AIG1: variants seen among roughly 807,000 people sequenced by gnomAD.
AIG1 encodes the protein androgen induced 1.
A neutral mutation model predicts 31.4 loss-of-function variants in AIG1; 23 were observed. The ratio of observed to expected loss-of-function variants is 0.73; its 90% CI spans 0.53 to 1.04. AIG1 has a LOEUF of 1.04. AIG1 is among the 50% of genes least tolerant of loss of function. The probability of loss-of-function intolerance (pLI) is 0.00; values close to 1 mark genes in which losing one functional copy is unlikely to be tolerated. For missense variants in AIG1, 274 were observed against 295.0 expected (o/e 0.93, Z 0.52); for synonymous variants, 100 against 110.5 (o/e 0.90, Z 0.60).
intron 1 of AIG1, among the ~76,000 whole-genome samples, chr6:143,129,145 G>A (rs1026142006): frequency 2.0e-5 from 3 of 152,046 alleles, no homozygotes; most frequent in African/African-American, 4.8e-5. Context: ...CAAAAAATTA[G>A]GCGGGTGTGG....
At chr6:143,335,027 AC>A (rs768660616) in intron 5 of AIG1, 1 of 1,345,010 alleles carries the variant, frequency 7.4e-7, no homozygotes, top group Non-Finnish European at 9.8e-7. Context: ...AGATTGACTA[AC>A]TTTTTTTAAA....
At chr6:143,230,056 C>T (rs1025115187) in intron 3 of AIG1, among the ~76,000 whole-genome samples, 6 of 152,096 alleles carry the variant, frequency 3.9e-5, no homozygotes, top group African/African-American at 7.2e-5. Flanking sequence ...TACCCTCAAA[C>T]GTGGAGATTG....
intron 3 of AIG1, among the ~76,000 whole-genome samples, chr6:143,246,485 A>G (rs959770556): frequency 1.3e-5 from 2 of 152,160 alleles, no homozygotes; most frequent in Non-Finnish European, 2.9e-5. Flanking sequence ...ACCTGCCCCC[A>G]TGATTCAATC....
intron 3 of AIG1, among the ~76,000 whole-genome samples, chr6:143,250,669 T>G (rs956063038): frequency 2.0e-5 from 3 of 150,610 alleles, no homozygotes; most frequent in African/African-American, 7.3e-5. Context: ...GAGACAGAGA[T>G]TGGAGTGACG....
rs1290451903 is a variant in AIG1 at position 143,297,032 on chromosome 6, C to T, written c.515+12807C>T. On this transcript the variant is annotated intron_variant, in intron 4 of 5. Coordinates refer to ENST00000357847, the MANE Select transcript of AIG1 (RefSeq NM_016108.4). The surrounding 1 kb of genome is among the most constrained non-coding windows in gnomAD (Gnocchi z 5.1). ...GCTCTGTCCTCAAGGAGCTTACAGT[C>T]TATTGAAGGATACAGGGAACTAAAA... 6.6e-6 allele frequency among the ~76,000 whole-genome samples: 1 copy of T among 152,152 alleles called. No individual in the cohort carries two copies. Among genetic ancestry groups the T allele is most frequent in the African/African-American group, 2.4e-5 (1 of 41,444 alleles).
chr6:143,061,267 A>G (rs1209360240), intron 1 of AIG1: 2 of 718,050 alleles, frequency 2.8e-6, no homozygotes, highest in Admixed American at 2.0e-5. Flanking sequence ...TGAACCACTC[A>G]CCGTTACCTG....
rs139592484 is a variant in AIG1 at position 143,080,055 on chromosome 6, G to A, written c.141+18989G>A. On this transcript the variant is annotated intron_variant, in intron 1 of 5. Transcript: ENST00000357847. The stretch of plus-strand genomic sequence containing the variant: ...TTACAAGCCCTGTGTTTAAAGGTAG[G>A]TGTGGTCACCTTTCCCAGCTAGGCC... 6.3e-3 allele frequency among the ~76,000 whole-genome samples: 962 copies of A among 151,564 alleles called. 17 individuals are homozygous for A. Among genetic ancestry groups the A allele is most frequent in the African/African-American group, 0.02 (817 of 40,888 alleles).
chr6:143,320,445 G>A (rs1259812920), intron 4 of AIG1, among the ~76,000 whole-genome samples: 4 of 152,012 alleles, frequency 2.6e-5, no homozygotes, highest in Non-Finnish European at 4.4e-5. Context: ...GTAAGGACAT[G>A]GAAACAACCT....
chr6:143,147,661 A>G (rs551176155), intron 2 of AIG1, among the ~76,000 whole-genome samples: 1 of 152,336 alleles, frequency 6.6e-6, no homozygotes, highest in Non-Finnish European at 1.5e-5. Context: ...CTGAATATTC[A>G]GAAATGCTAC....
At chr6:143,098,437 T>C (rs1779980814) in intron 1 of AIG1, among the ~76,000 whole-genome samples, 1 of 152,226 alleles carries the variant, frequency 6.6e-6, no homozygotes, top group Non-Finnish European at 1.5e-5. Flanking sequence ...CCTCCCTTAC[T>C]GGTTCCTCTT....
At chr6:143,219,381 G>A (rs1583541974) in intron 3 of AIG1, among the ~76,000 whole-genome samples, 1 of 152,070 alleles carries the variant, frequency 6.6e-6, no homozygotes. Context: ...GAGGTGGGAG[G>A]ATCACTTGAG....
intron 4 of AIG1, among the ~76,000 whole-genome samples, chr6:143,294,403 T>C (rs1030407645): frequency 2.6e-5 from 4 of 152,310 alleles, no homozygotes; most frequent in Admixed American, 1.3e-4. Context: ...GTGGTTGAGA[T>C]AGTGGATTCA....
Position 143,210,982 on chromosome 6 carries a change from G to A in AIG1, c.399+45799G>A, listed in dbSNP as rs535534736. On this transcript the variant is annotated intron_variant, in intron 3 of 5. Transcript: ENST00000357847. ...TTTTTTCCTCCTAATTTTTTAGGGG[G>A]CAGACAGATTTTTAACCCTATCTTT... is the stretch of plus-strand genomic sequence containing the variant. Among the ~76,000 whole-genome samples the A allele has an allele frequency of 2.0e-5, 3 of 152,258 alleles. No homozygotes were observed. In the South Asian group the frequency reaches 6.2e-4, roughly 32 times the overall value.
chr6:143,172,579 A>G (rs1330624061), intron 3 of AIG1, among the ~76,000 whole-genome samples: 1 of 152,194 alleles, frequency 6.6e-6, no homozygotes, highest in Non-Finnish European at 1.5e-5. Context: ...TACTGGCTTC[A>G]TAGAATGATT....
chr6:143,341,148 T>C (rs35362528), downstream of AIG1, among the ~76,000 whole-genome samples: 22,384 of 152,196 alleles, frequency 0.15, 1,886 homozygotes, highest in East Asian at 0.4. Flanking sequence ...AAATATAGAA[T>C]GCATCTAGCA....
chr6:143,285,497 A>G (rs145292776), intron 4 of AIG1, among the ~76,000 whole-genome samples: 2 of 151,502 alleles, frequency 1.3e-5, no homozygotes, highest in Non-Finnish European at 2.9e-5. Flanking sequence ...CCCCATCTCT[A>G]CTAAAAATAC....
chr6:143,234,883 G>A (rs892281104), intron 3 of AIG1, among the ~76,000 whole-genome samples: 5 of 152,104 alleles, frequency 3.3e-5, no homozygotes, highest in Non-Finnish European at 4.4e-5. Flanking sequence ...ATGAGCAAAC[G>A]CTACTTGGGA....
chr6:143,170,601 GTTGA>G, intron 3 of AIG1, among the ~76,000 whole-genome samples: 1 of 121,852 alleles, frequency 8.2e-6, no homozygotes, highest in East Asian at 2.2e-4. Flanking sequence ...TTTTTTTTTT[GTTGA>G]TCTTTTGAAA....
intron 3 of AIG1, among the ~76,000 whole-genome samples, chr6:143,178,127 C>T (rs947693774): frequency 6.6e-5 from 10 of 152,118 alleles, no homozygotes; most frequent in Admixed American, 1.3e-4. Flanking sequence ...CCCTCTTTTC[C>T]GTGGGCAGCC....
Sources: allele counts gnomAD v4.1 joint callset (sites outside exome capture counted in the v4.1 genomes callset), GRCh38; gene constraint gnomAD v4.1.1; non-coding constraint Gnocchi (gnomAD v3.1); transcripts MANE v1.5; gene names NCBI Gene and HGNC (gene_info 2026-07-23, HGNC 2026-07-21).